TRIM2: variants seen among roughly 807,000 people sequenced by gnomAD.
TRIM2 encodes the protein tripartite motif-containing protein 2.
A neutral mutation model predicts 75.2 loss-of-function variants in TRIM2; 20 were observed. The observed-to-expected ratio is 0.27, with a 90% CI of 0.19 to 0.39. The LOEUF (loss-of-function observed/expected upper bound fraction) is 0.39. Ranked by LOEUF, TRIM2 falls within the 10% of genes least tolerant of loss-of-function variation. The probability of loss-of-function intolerance (pLI) is 1.00; values close to 1 mark genes in which losing one functional copy is unlikely to be tolerated. For synonymous variants in TRIM2, 373 were observed against 388.3 expected (o/e 0.96, Z 0.46); for missense variants, 660 against 990.8 (o/e 0.67, Z 4.48).
intron 3 of TRIM2, among the ~76,000 whole-genome samples, chr4:153,280,145 A>G (rs1758956303): frequency 6.6e-6 from 1 of 150,832 alleles, no homozygotes; most frequent in Non-Finnish European, 1.5e-5. Flanking sequence ...AACATATGGA[A>G]CATACACAAA....
intron 1 of TRIM2, among the ~76,000 whole-genome samples, chr4:153,256,013 A>G (rs1055206867): frequency 6.6e-6 from 1 of 152,204 alleles, no homozygotes; most frequent in Admixed American, 6.5e-5. Flanking sequence ...GTCTGAGATG[A>G]TGAAAATGTT....
At chr4:153,278,243 A>G (rs186452507) in intron 3 of TRIM2, among the ~76,000 whole-genome samples, 18 of 152,206 alleles carry the variant, frequency 1.2e-4, no homozygotes, top group South Asian at 4.1e-4. Flanking sequence ...CTGCCCCAGT[A>G]TCTGGGACTA....
intron 1 of TRIM2, among the ~76,000 whole-genome samples, chr4:153,162,559 G>A (rs991413545): frequency 1.3e-5 from 2 of 152,170 alleles, no homozygotes; most frequent in African/African-American, 2.4e-5. Flanking sequence ...TGATGAAAAC[G>A]CTAATCTCAG....
At chr4:153,273,486 G>A (rs1579229925) in intron 2 of TRIM2, among the ~76,000 whole-genome samples, 1 of 143,650 alleles carries the variant, frequency 7.0e-6, no homozygotes, top group African/African-American at 2.8e-5. Context: ...GTAGAAACGG[G>A]GTTTCACCGT....
chr4:153,297,439 C>A (rs1031790104), intron 6 of TRIM2, among the ~76,000 whole-genome samples: 1 of 152,104 alleles, frequency 6.6e-6, no homozygotes, highest in East Asian at 1.9e-4. Context: ...AATGAAAATG[C>A]AAAAATATCT....
At chr4:153,221,252 CA>C (rs1261562083) in intron 1 of TRIM2, among the ~76,000 whole-genome samples, 2 of 152,144 alleles carry the variant, frequency 1.3e-5, no homozygotes, top group Non-Finnish European at 2.9e-5. Flanking sequence ...CAAAAGCCCA[CA>C]CATATTATAT....
At chr4:153,210,612 G>C (rs1736724016) in intron 1 of TRIM2, among the ~76,000 whole-genome samples, 1 of 152,124 alleles carries the variant, frequency 6.6e-6, no homozygotes, top group Non-Finnish European at 1.5e-5. Flanking sequence ...CAAAATATTT[G>C]ATTCTTGATT....
upstream of TRIM2, among the ~76,000 whole-genome samples, chr4:153,203,587 C>CAAAA (rs397878558): frequency 7.6e-6 from 1 of 131,542 alleles, no homozygotes. Context: ...GACTCTGTCT[C>CAAAA]AAAAAAAAAA....
At chr4:153,303,168 A>G (rs1191439232) in intron 6 of TRIM2, among the ~76,000 whole-genome samples, 1 of 152,208 alleles carries the variant, frequency 6.6e-6, no homozygotes, top group Non-Finnish European at 1.5e-5. Flanking sequence ...TTATCATTAA[A>G]AGATTCAACT....
chr4:153,153,399 C>G (rs1489093533), intron 1 of TRIM2: 1 of 151,704 alleles, frequency 6.6e-6, no homozygotes, highest in Admixed American at 6.6e-5. Context: ...GGGAGGGCCC[C>G]GAGACGCGCG....
chr4:153,333,036 T>G (rs1771839609), intron 11 of TRIM2, among the ~76,000 whole-genome samples: 2 of 152,216 alleles, frequency 1.3e-5, no homozygotes, highest in Non-Finnish European at 1.5e-5. Flanking sequence ...CATAGAAGAT[T>G]TATTTGTAAT....
At chr4:153,331,200 A>G (rs138443100) in intron 11 of TRIM2, among the ~76,000 whole-genome samples, 1 of 152,232 alleles carries the variant, frequency 6.6e-6, no homozygotes, top group East Asian at 1.9e-4. Flanking sequence ...GCACATGTCT[A>G]TAGGCTCAGC....
chr4:153,270,454 C>T lies in TRIM2; in HGVS notation c.150C>T (p.Cys50=). The part of the protein sequence containing the change: ...VRQIDKQFLI[C]SICLERYKNP... ...AGATTGACAAGCAGTTTCTGATTTG[C>T]AGTATATGCCTGGAACGGTACAAGA... is the stretch of plus-strand genomic sequence containing the variant. The change falls in exon 2 of 12, where the codon TGC becomes TGT. Residue 50 remains cysteine (C), a synonymous_variant. Coordinates refer to ENST00000338700, the MANE Select transcript of TRIM2 (RefSeq NM_015271.5). The T allele has an allele frequency of 6.2e-7, 1 of 1,613,920 alleles. No individual in the cohort carries two copies.
At chr4:153,313,961 G>A (rs1326587977) in intron 6 of TRIM2, among the ~76,000 whole-genome samples, 1 of 152,060 alleles carries the variant, frequency 6.6e-6, no homozygotes, top group African/African-American at 2.4e-5. Flanking sequence ...GAATATAAAT[G>A]AAATTATAAA....
At chr4:153,178,091 C>G (rs191897292) in intron 1 of TRIM2, among the ~76,000 whole-genome samples, 1 of 152,058 alleles carries the variant, frequency 6.6e-6, no homozygotes, top group South Asian at 2.1e-4. Flanking sequence ...TGTGAGCCAC[C>G]GCACCTGGCC....
At chr4:153,280,650 A>G (rs1439980571) in intron 3 of TRIM2, among the ~76,000 whole-genome samples, 1 of 151,772 alleles carries the variant, frequency 6.6e-6, no homozygotes, top group Non-Finnish European at 1.5e-5. Flanking sequence ...AAGTGCTAGG[A>G]TTACAGGCAT....
chr4:153,280,093 AAAAAAG>A (rs1429956036), intron 3 of TRIM2, among the ~76,000 whole-genome samples: 2 of 112,708 alleles, frequency 1.8e-5, no homozygotes, highest in Non-Finnish European at 3.6e-5. Flanking sequence ...CCACCCCCCA[AAAAAAG>A]AATTCAACTC....
intron 9 of TRIM2, among the ~76,000 whole-genome samples, chr4:153,323,280 G>A (rs892642221): frequency 6.6e-6 from 1 of 152,212 alleles, no homozygotes; most frequent in African/African-American, 2.4e-5. Flanking sequence ...TCTCTTTGGT[G>A]TAGCACTTTG....
At chr4:153,234,946 C>T (rs1450138299) in intron 1 of TRIM2, among the ~76,000 whole-genome samples, 2 of 152,282 alleles carry the variant, frequency 1.3e-5, no homozygotes, top group East Asian at 3.9e-4. Context: ...CGTGCCCTGT[C>T]CCACCCTCGA....
Sources: allele counts gnomAD v4.1 joint callset (sites outside exome capture counted in the v4.1 genomes callset), GRCh38; gene constraint gnomAD v4.1.1; transcripts MANE v1.5; gene names NCBI Gene and HGNC (gene_info 2026-07-23, HGNC 2026-07-21).